The following NCKAP5 variants were observed in gnomAD, a reference collection of about 807,000 sequenced individuals.
The protein encoded by NCKAP5 is nck-associated protein 5.
NCKAP5 carries 92 observed loss-of-function variants against 167.0 expected under a neutral mutation model. That is an observed-to-expected ratio of 0.55 (90% confidence interval 0.47 to 0.66). The LOEUF (loss-of-function observed/expected upper bound fraction) is 0.66, where lower values mean the gene tolerates loss of function less well. Ranked by LOEUF, NCKAP5 falls within the 30% of genes least tolerant of loss-of-function variation. The pLI is 0.00. For synonymous variants in NCKAP5, 891 were observed against 877.4 expected (o/e 1.02, Z -0.27); for missense variants, 2,378 against 2,315.0 (o/e 1.03, Z -0.56).
intron 3 of NCKAP5, among the ~76,000 whole-genome samples, chr2:133,506,345 G>A (rs1359714603): frequency 6.6e-6 from 1 of 152,196 alleles, no homozygotes; most frequent in East Asian, 1.9e-4. Context: ...GAGAAGAGAT[G>A]GTGGCAGAGT....
intron 11 of NCKAP5, among the ~76,000 whole-genome samples, chr2:132,819,497 A>G (rs896481695): frequency 6.6e-6 from 1 of 152,212 alleles, no homozygotes; most frequent in African/African-American, 2.4e-5. Context: ...AATTAATACT[A>G]TTATCTAACT....
the NCKAP5 span, among the ~76,000 whole-genome samples, chr2:133,575,598 G>A: frequency 6.6e-6 from 1 of 152,154 alleles, no homozygotes; most frequent in Non-Finnish European, 1.5e-5. Context: ...AGACAGTATA[G>A]TAAGGAGGCT....
chr2:132,999,536 C>A (rs540454665), intron 6 of NCKAP5, among the ~76,000 whole-genome samples: 1 of 152,306 alleles, frequency 6.6e-6, no homozygotes, highest in South Asian at 2.1e-4. Flanking sequence ...AATGTTAAAA[C>A]ACAGTGGTTT....
chr2:133,539,792 T>G (rs762622903), intron 2 of NCKAP5, among the ~76,000 whole-genome samples: 1 of 151,958 alleles, frequency 6.6e-6, no homozygotes, highest in Non-Finnish European at 1.5e-5. Flanking sequence ...CCAAAATGTA[T>G]CCAAGGAATT....
chr2:133,326,919 G>A (rs765116938), intron 3 of NCKAP5, among the ~76,000 whole-genome samples: 2 of 152,138 alleles, frequency 1.3e-5, no homozygotes, highest in Non-Finnish European at 2.9e-5. Flanking sequence ...TTCAAGAATC[G>A]GCTTCTAACA....
chr2:133,166,875 G>A (rs2084022522), intron 5 of NCKAP5, among the ~76,000 whole-genome samples: 1 of 152,036 alleles, frequency 6.6e-6, no homozygotes, highest in South Asian at 2.1e-4. Flanking sequence ...GTAGTCTCTG[G>A]CAGTCAACCT....
intron 8 of NCKAP5, among the ~76,000 whole-genome samples, chr2:132,910,679 C>T (rs1029127058): frequency 3.3e-5 from 5 of 152,152 alleles, no homozygotes; most frequent in Non-Finnish European, 1.5e-5. Flanking sequence ...TTGATGAACA[C>T]TTAGTTTGCT....
rs112925297 is a variant in NCKAP5, at chr2:133,344,166, G to A, written c.70-41056C>T. On this transcript the variant is annotated intron_variant, in intron 3 of 19. Coordinates refer to ENST00000409261, the MANE Select transcript of NCKAP5 (RefSeq NM_207363.3). ...CTCATGCCTGTAATCCCAGCACTTT[G>A]GGAGGCCAAGGTGGGTGGAATGCTT... Among the ~76,000 whole-genome samples, 253 of 152,246 alleles carry A rather than the reference G, an allele frequency of 1.7e-3. 3 individuals are homozygous for A. Among genetic ancestry groups the A allele is most frequent in the African/African-American group, 5.9e-3 (245 of 41,540 alleles).
At chr2:133,245,896 G>GAAAAA (rs771074749) in intron 4 of NCKAP5, among the ~76,000 whole-genome samples, 1 of 60,174 alleles carries the variant, frequency 1.7e-5, no homozygotes, top group Non-Finnish European at 3.2e-5. Context: ...ATTTGATCAG[G>GAAAAA]AAAAAAAAAA....
intron 3 of NCKAP5, among the ~76,000 whole-genome samples, chr2:133,323,648 C>T (rs1237989568): frequency 5.3e-5 from 8 of 152,208 alleles, no homozygotes; most frequent in Non-Finnish European, 1.2e-4. Flanking sequence ...TTCTCCTGTG[C>T]CACCTATGTC....
At chr2:133,415,603 T>C (rs550899600) in intron 3 of NCKAP5, among the ~76,000 whole-genome samples, 1 of 152,344 alleles carries the variant, frequency 6.6e-6, no homozygotes, top group South Asian at 2.1e-4. Flanking sequence ...TGAACAAGTG[T>C]GTTTGGTCAC....
At chr2:132,703,290 C>T (rs7594881) in intron 19 of NCKAP5, among the ~76,000 whole-genome samples, 13,161 of 152,144 alleles carry the variant, frequency 0.087, 1,779 homozygotes, top group African/African-American at 0.29. Context: ...TCCAAACAAA[C>T]GCTCTTCTTT....
chr2:133,436,452 T>C (rs1338462881), intron 3 of NCKAP5, among the ~76,000 whole-genome samples: 2 of 152,208 alleles, frequency 1.3e-5, no homozygotes, highest in East Asian at 1.9e-4. Flanking sequence ...CAGGGCTCTT[T>C]ACAGAACATT....
At chr2:133,337,177 C>CAT (rs1683269467) in intron 3 of NCKAP5, among the ~76,000 whole-genome samples, 1 of 152,168 alleles carries the variant, frequency 6.6e-6, no homozygotes, top group Non-Finnish European at 1.5e-5. Flanking sequence ...TAATTTTTCA[C>CAT]ATAGTACATG....
intron 19 of NCKAP5, among the ~76,000 whole-genome samples, chr2:132,708,076 T>C (rs904470235): frequency 1.4e-4 from 21 of 152,050 alleles, no homozygotes; most frequent in Non-Finnish European, 2.9e-4. Context: ...GTACTTGCCA[T>C]AGGCCTTAGG....
intron 6 of NCKAP5, among the ~76,000 whole-genome samples, chr2:133,087,046 G>A (rs2081017142): frequency 6.6e-6 from 1 of 152,136 alleles, no homozygotes; most frequent in Non-Finnish European, 1.5e-5. Context: ...CACAGAACTT[G>A]TTAAAACACC....
intron 6 of NCKAP5, among the ~76,000 whole-genome samples, chr2:133,072,069 C>T (rs1217178399): frequency 1.4e-5 from 2 of 146,470 alleles, no homozygotes; most frequent in African/African-American, 2.6e-5. Flanking sequence ...CATGCTGTTT[C>T]ATTTATCCAG....
At chr2:133,563,842 T>C (rs1196944855) in intron 1 of NCKAP5, among the ~76,000 whole-genome samples, 2 of 152,076 alleles carry the variant, frequency 1.3e-5, no homozygotes, top group African/African-American at 2.4e-5. Flanking sequence ...GTTAAGAGTA[T>C]GCACTGTGGG....
chr2:133,002,277 A>C (rs2077810910), intron 6 of NCKAP5, among the ~76,000 whole-genome samples: 3 of 152,190 alleles, frequency 2.0e-5, no homozygotes. Flanking sequence ...ACAAAGCTCT[A>C]TGTATACTTT....
Sources: gnomAD v4.1 joint callset for allele counts (sites outside exome capture counted in the v4.1 genomes callset) on GRCh38, gnomAD v4.1.1 for gene constraint, MANE v1.5 for transcripts, NCBI Gene and HGNC (gene_info 2026-07-23, HGNC 2026-07-21) for gene names.